Variants in HIVEP3 observed in about 807,000 individuals in gnomAD.
HIVEP3 encodes the protein transcription factor HIVEP3.
HIVEP3 carries 49 observed loss-of-function variants against 152.8 expected under a neutral mutation model. The observed-to-expected ratio is 0.32, with a 90% CI of 0.26 to 0.41. HIVEP3 has a LOEUF of 0.41. HIVEP3 is among the 10% of genes least tolerant of loss of function. The pLI is 1.00. For missense variants in HIVEP3, 2,790 were observed against 3,103.3 expected (o/e 0.90, Z 2.40); for synonymous variants, 1,269 against 1,289.0 (o/e 0.98, Z 0.33).
chr1:41,523,687 G>A (rs56241329), intron 6 of HIVEP3, among the ~76,000 whole-genome samples: 3 of 152,160 alleles, frequency 2.0e-5, no homozygotes, highest in African/African-American at 7.2e-5. Flanking sequence ...CTTGCTGGGA[G>A]CAACTTTGCC....
intron 1 of HIVEP3, among the ~76,000 whole-genome samples, chr1:41,723,655 G>A (rs953179683): frequency 2.0e-5 from 3 of 152,176 alleles, no homozygotes; most frequent in Non-Finnish European, 4.4e-5. Flanking sequence ...TAGCAGTCAA[G>A]CAGTAGCAAG....
intron 1 of HIVEP3, among the ~76,000 whole-genome samples, chr1:41,763,616 C>T (rs192525233): frequency 1.7e-3 from 259 of 152,334 alleles, no homozygotes; most frequent in South Asian, 8.3e-3. Flanking sequence ...CTACTTATCA[C>T]ATCCTTCTGC....
intron 1 of HIVEP3, among the ~76,000 whole-genome samples, chr1:41,913,561 A>T (rs1644828100): frequency 6.6e-6 from 1 of 151,890 alleles, no homozygotes; most frequent in East Asian, 1.9e-4. Context: ...CATGTCCATA[A>T]TTTTATTTTT....
chr1:41,939,042 C>T (rs1052880098), intron 1 of HIVEP3, among the ~76,000 whole-genome samples: 2 of 152,268 alleles, frequency 1.3e-5, no homozygotes, highest in Admixed American at 1.3e-4. Flanking sequence ...CCTTATACCT[C>T]GGAGGCAGCA....
intron 1 of HIVEP3, among the ~76,000 whole-genome samples, chr1:42,022,333 A>T (rs1645559178): frequency 6.6e-6 from 1 of 152,084 alleles, no homozygotes; most frequent in Admixed American, 6.5e-5. Context: ...CCTACAAAGC[A>T]TCCCTCCCGT....
chr1:41,976,371 C>T (rs145975343), intron 1 of HIVEP3, among the ~76,000 whole-genome samples: 5 of 152,288 alleles, frequency 3.3e-5, no homozygotes, highest in African/African-American at 7.2e-5. Flanking sequence ...AAACACAACT[C>T]GGAACTCCCA....
rs576845566 is a variant in HIVEP3 at position 41,513,807 on chromosome 1, C to T, written c.5471-57G>A. ...AGTTGGGCCTTGGCCCCACTGCCCA[C>T]ACGGCTGCTCCTCTCTGAGCCCCAG... On this transcript the variant is annotated intron_variant, in intron 7 of 8. Transcript: ENST00000372583. 57 of 1,379,162 alleles carry T rather than the reference C, an allele frequency of 4.1e-5. No individual in the cohort carries two copies. The East Asian group carries it at 1.2e-3, about 29-fold the overall frequency. 85.4% of individuals were successfully genotyped at this position (1,379,162 alleles called of 1,614,324 possible). A position where few individuals can be genotyped will look rare whatever the true frequency, so the allele number is the denominator to read the frequency against.
intron 2 of HIVEP3, among the ~76,000 whole-genome samples, chr1:41,677,577 C>T (rs911432581): frequency 7.2e-5 from 11 of 152,294 alleles, no homozygotes; most frequent in South Asian, 4.1e-4. Context: ...AACTTTAATA[C>T]GTGTTAGTTG....
At chr1:41,765,869 T>A (rs1236650481) in intron 1 of HIVEP3, among the ~76,000 whole-genome samples, 2 of 152,216 alleles carry the variant, frequency 1.3e-5, no homozygotes, top group South Asian at 2.1e-4. Context: ...AGGGACTTCA[T>A]GTTGTGGCCT....
intron 1 of HIVEP3, among the ~76,000 whole-genome samples, chr1:41,753,510 A>G (rs1303173073): frequency 6.6e-6 from 1 of 152,058 alleles, no homozygotes; most frequent in Non-Finnish European, 1.5e-5. Context: ...TCTACTAAAA[A>G]TACAAAAATT....
chr1:41,624,823 C>T (rs777709764), intron 3 of HIVEP3, among the ~76,000 whole-genome samples: 4 of 152,170 alleles, frequency 2.6e-5, no homozygotes, highest in Non-Finnish European at 5.9e-5. Context: ...GGCTTTAAGG[C>T]AAGCTGTTAA....
At chr1:41,942,667 T>C (rs1645051656) in intron 1 of HIVEP3, among the ~76,000 whole-genome samples, 1 of 152,102 alleles carries the variant, frequency 6.6e-6, no homozygotes, top group South Asian at 2.1e-4. Context: ...AAAACACAAT[T>C]TGTAATAGTA....
At chr1:42,016,769 T>C (rs1334226476) in intron 1 of HIVEP3, among the ~76,000 whole-genome samples, 2 of 152,198 alleles carry the variant, frequency 1.3e-5, no homozygotes, top group African/African-American at 2.4e-5. Context: ...CTACCAGACA[T>C]AGTATACTTT....
chr1:41,708,620 G>A (rs975670953), intron 1 of HIVEP3, among the ~76,000 whole-genome samples: 1 of 152,128 alleles, frequency 6.6e-6, no homozygotes, highest in African/African-American at 2.4e-5. Flanking sequence ...CAGCCTTCCT[G>A]TCAATTCCGT....
At position 41,509,757 on chromosome 1, in the gene HIVEP3, C is replaced by A. The variant is rs145780330; in HGVS notation, c.*694G>T. On this transcript the variant is annotated 3_prime_UTR_variant, in exon 9 of 9. Coordinates refer to ENST00000372583, the MANE Select transcript of HIVEP3 (RefSeq NM_024503.5). ...AGGAGCCCTTGGGGAGCCAGCCCTC[C>A]TCCTTCTACCTGCACCTATTATTTT... 3 of 148,846 alleles carry A rather than the reference C, an allele frequency of 2.0e-5. No homozygotes were observed. The highest frequency in any genetic ancestry group is 2.5e-5 in the African/African-American group (1 of 40,360). The allele number at this position is 148,846 out of a possible 1,614,324, so 9.2% of individuals were successfully genotyped here. A position where few individuals can be genotyped will look rare whatever the true frequency, so the allele number is the denominator to read the frequency against.
rs1443249654 is a variant in HIVEP3, at chr1:41,873,720, G to A, written c.-801+44693C>T. On this transcript the variant is annotated intron_variant, in intron 1 of 8. Transcript: ENST00000372583. This position sits in a 1 kb window ranked among gnomAD's most constrained non-coding sequence, Gnocchi z 4.2. ...CTCACTACCTTCAGAAAGGAAGAAGGAGGGAAAAAAGGACAGAGGGAAGGA... is the reference window on the plus strand; with the variant it reads ...CTCACTACCTTCAGAAAGGAAGAAGAAGGGAAAAAAGGACAGAGGGAAGGA... Among the ~76,000 whole-genome samples the A allele has an allele frequency of 6.6e-6, 1 of 152,150 alleles. No individual in the cohort carries two copies. The highest frequency in any genetic ancestry group is 2.4e-5 in the African/African-American group (1 of 41,436).
intron 2 of HIVEP3, among the ~76,000 whole-genome samples, chr1:41,643,119 C>T (rs12086037): frequency 0.012 from 1,830 of 152,262 alleles, 43 homozygotes; most frequent in African/African-American, 0.042. Context: ...CCATGTGACT[C>T]CCATCCTTTT....
intron 3 of HIVEP3, among the ~76,000 whole-genome samples, chr1:41,595,066 G>T (rs1234008955): frequency 2.0e-5 from 3 of 152,190 alleles, no homozygotes; most frequent in Admixed American, 1.3e-4. Flanking sequence ...CACTGAAATA[G>T]AATTTGTGGG....
chr1:41,748,802 G>A (rs558691589), intron 1 of HIVEP3, among the ~76,000 whole-genome samples: 164 of 152,288 alleles, frequency 1.1e-3, no homozygotes, highest in African/African-American at 3.8e-3. Flanking sequence ...GCCCACCAGC[G>A]GGGTCCTTCA....
Sources: allele counts gnomAD v4.1 joint callset (sites outside exome capture counted in the v4.1 genomes callset), GRCh38; gene constraint gnomAD v4.1.1; non-coding constraint Gnocchi (gnomAD v3.1); transcripts MANE v1.5; gene names NCBI Gene and HGNC (gene_info 2026-07-23, HGNC 2026-07-21).